ZSCAN31: variants seen among roughly 807,000 people sequenced by gnomAD.
ZSCAN31 encodes the protein zinc finger and SCAN domain containing 31.
ZSCAN31 carries 14 observed loss-of-function variants against 22.5 expected under a neutral mutation model. The ratio of observed to expected loss-of-function variants is 0.62; its 90% confidence interval spans 0.41 to 0.97. The LOEUF is 0.97. Among genes scored for constraint, ZSCAN31 ranks in the 50% least tolerant of loss-of-function variants. The pLI is 0.00. For missense variants in ZSCAN31, 424 were observed against 483.4 expected (o/e 0.88, Z 1.15); for synonymous variants, 168 against 169.8 (o/e 0.99, Z 0.08).
At chr6:28,344,388 G>C (rs1764549505) in intron 2 of ZSCAN31, among the ~76,000 whole-genome samples, 1 of 152,190 alleles carries the variant, frequency 6.6e-6, no homozygotes, top group African/African-American at 2.4e-5. Context: ...ATCATAAGAT[G>C]TGTGTGGTAT....
At chr6:28,337,391 G>A (rs1337392498), upstream of ZSCAN31, among the ~76,000 whole-genome samples, 5 of 152,236 alleles carry the variant, frequency 3.3e-5, 1 homozygote, top group Admixed American at 2.0e-4. Context: ...TGGCAGCCAT[G>A]TGGGGATGGA....
intron 1 of ZSCAN31, chr6:28,335,400 C>G (rs1764068479): frequency 1.3e-5 from 2 of 152,240 alleles, no homozygotes; most frequent in Admixed American, 1.3e-4. Context: ...CACATAATGC[C>G]TTTGTCCTTT....
chr6:28,355,893 A>G (rs557618845), upstream of ZSCAN31, among the ~76,000 whole-genome samples: 27 of 152,330 alleles, frequency 1.8e-4, no homozygotes, highest in South Asian at 5.6e-3. Context: ...CAAGTGGCCT[A>G]TCAAATCCAT....
At chr6:28,356,161 T>C (rs213237), upstream of ZSCAN31, 72,272 of 152,172 alleles carry the variant, frequency 0.47, 18,700 homozygotes, top group African/African-American at 0.68. Context: ...CCCCCAAGCC[T>C]GGCACCTGGG....
rs1005590661 is a variant in ZSCAN31 at position 28,351,528 on chromosome 6, A to G, written c.-371+2334T>C. On this transcript the variant is annotated intron_variant, in intron 2 of 7. Transcript: ENST00000396838. The surrounding 1 kb of genome is among the most constrained non-coding windows in gnomAD (Gnocchi z 4.6). ...ATTTAATTGTAGAGAGAATGTTACA[A>G]TGAACACCAATATAACCATGACTCA... is the stretch of plus-strand genomic sequence containing the variant. Among the ~76,000 whole-genome samples, 1 of 152,202 alleles carries G rather than the reference A, an allele frequency of 6.6e-6. No homozygotes were observed. The highest frequency in any genetic ancestry group is 1.5e-5 in the Non-Finnish European group (1 of 68,034).
At position 28,351,681 on chromosome 6, in the gene ZSCAN31, CCTCT is replaced by C. The variant is rs1195768578; in HGVS notation, c.-371+2177_-371+2180del. Among the ~76,000 whole-genome samples, 1 of 151,392 alleles carries C rather than the reference CCTCT, an allele frequency of 6.6e-6. No individual in the cohort carries two copies. The highest frequency in any genetic ancestry group is 1.5e-5 in the Non-Finnish European group (1 of 67,864). On this transcript the variant is annotated intron_variant, in intron 2 of 7. Transcript: ENST00000396838. The surrounding 1 kb of genome is among the most constrained non-coding windows in gnomAD (Gnocchi z 4.6). ...TTCCCTTTTACTTCCTCCCTCTTTC[CCTCT>C]CTCCTTTCTTTCCCTCTCCCTCCTT... is the stretch of plus-strand genomic sequence containing the variant.
intron 2 of ZSCAN31, among the ~76,000 whole-genome samples, chr6:28,342,782 C>T (rs1273598288): frequency 6.6e-6 from 1 of 152,202 alleles, no homozygotes; most frequent in East Asian, 1.9e-4. Context: ...CATAATAAAA[C>T]ATCTCAAGTC....
At position 28,324,849 on chromosome 6, in the gene ZSCAN31, G is replaced by A. The variant is rs571770609; in HGVS notation, c.*1317C>T. 6 of 152,268 alleles carry A rather than the reference G, an allele frequency of 3.9e-5. No individual in the cohort carries two copies. The highest frequency in any genetic ancestry group is 3.3e-4 in the Admixed American group (5 of 15,296). The allele number at this position is 152,268 out of a possible 1,614,324, so 9.4% of individuals were successfully genotyped here. Reference sequence around the variant, plus strand: ...ACAAGAATGTCAGCAGAGGCATTTCGTATCCTAATTTTAACATGATACTTA... The same window carrying A: ...ACAAGAATGTCAGCAGAGGCATTTCATATCCTAATTTTAACATGATACTTA... On this transcript the variant is annotated 3_prime_UTR_variant, in exon 4 of 4. Transcript: ENST00000344279. This position sits in a 1 kb window ranked among gnomAD's most constrained non-coding sequence, Gnocchi z 4.8.
At chr6:28,350,828 T>C (rs906708459) in intron 2 of ZSCAN31, among the ~76,000 whole-genome samples, 1 of 152,080 alleles carries the variant, frequency 6.6e-6, no homozygotes, top group Non-Finnish European at 1.5e-5. Flanking sequence ...CCAAAACTGG[T>C]TTGTGTTGGA....
In ZSCAN31 at chr6:28,329,621, C is replaced by A. The variant is rs1161290412; in HGVS notation, c.63G>T (p.Trp21Cys). ...KIVKVEEDPI[W>C]DQETHLRGNN... ...TCCCTCGAAGGTGGGTTTCTTGGTC[C>A]CAGATAGGGTCTTCCTCCACTTTCA... The change falls in exon 2 of 4, where the codon TGG becomes TGT. Residue 21 changes from tryptophan to cysteine, a missense_variant. Coordinates refer to ENST00000344279, the MANE Select transcript of ZSCAN31 (RefSeq NM_030899.5). 2 of 1,614,132 alleles carry A rather than the reference C, an allele frequency of 1.2e-6. No homozygotes were observed. Among genetic ancestry groups the A allele is most frequent in the Non-Finnish European group, 1.7e-6 (2 of 1,180,042 alleles).
Position 28,326,657 on chromosome 6 carries a change from A to G in ZSCAN31, c.730T>C (p.Cys244Arg). The G allele has an allele frequency of 6.2e-7, 1 of 1,614,186 alleles. No homozygotes were observed. Among genetic ancestry groups the G allele is most frequent in the South Asian group, 1.1e-5 (1 of 91,086 alleles). The change falls in exon 4 of 4, where the codon TGT becomes CGT. Residue 244 changes from cysteine to arginine, a missense_variant. By Grantham distance (180) the Cys-to-Arg change is radical. Transcript: ENST00000344279. ...GAACTCTTAGTGAAGCTTTTCCCAC[A>G]TTCATTGCACCTGTGGCGTCTCTCT... The part of the protein sequence containing the change: ...TGERRHRCNE[C>R]GKSFTKSSVL...
Position 28,349,790 on chromosome 6 carries a change from C to G in ZSCAN31, c.-371+4072G>C, listed in dbSNP as rs1160771386. 1.3e-5 allele frequency: 2 copies of G among 152,214 alleles called. No homozygotes were observed. Among genetic ancestry groups the G allele is most frequent in the Non-Finnish European group, 2.9e-5 (2 of 68,048 alleles). 9.4% of individuals were successfully genotyped at this position (152,214 alleles called of 1,614,324 possible). On this transcript the variant is annotated intron_variant, in intron 2 of 7. Coordinates refer to the ZSCAN31 transcript ENST00000396838. The surrounding 1 kb of genome is among the most constrained non-coding windows in gnomAD (Gnocchi z 4.1). ...AAATAATTCTGCACCTTGCCTTTCT[C>G]CCTTAGTTATAGCTGGAAAAATAAA...
At chr6:28,337,450 A>G (rs943020200), upstream of ZSCAN31, among the ~76,000 whole-genome samples, 2 of 152,224 alleles carry the variant, frequency 1.3e-5, no homozygotes, top group Non-Finnish European at 2.9e-5. Flanking sequence ...GGAGACTACT[A>G]CAAGAATCCA....
upstream of ZSCAN31, chr6:28,355,274 A>T (rs890305250): frequency 3.3e-5 from 5 of 152,156 alleles, no homozygotes; most frequent in African/African-American, 1.2e-4. Flanking sequence ...ACAAAAGTGG[A>T]TGTCTGTGCC....
chr6:28,337,637 A>G (rs1189368194), upstream of ZSCAN31: 3 of 152,248 alleles, frequency 2.0e-5, no homozygotes, highest in Admixed American at 1.3e-4. Flanking sequence ...TGAAGGACAC[A>G]AGGTCCTCAT....
At chr6:28,353,790 C>G (rs1278471944) in intron 2 of ZSCAN31, 12 of 455,852 alleles carry the variant, frequency 2.6e-5, no homozygotes, top group Non-Finnish European at 4.0e-5. Flanking sequence ...ACAGAACCAC[C>G]AGGCCTACTC....
At position 28,331,918 on chromosome 6, in the gene ZSCAN31, T is replaced by C. The variant is rs887087740; in HGVS notation, c.-95-2140A>G. ...ATCAATTGTATTCTTCTCCCCATAATTGGTGCTTAGGATTTACCTCCTGGT... is the reference window on the plus strand; with the variant it reads ...ATCAATTGTATTCTTCTCCCCATAACTGGTGCTTAGGATTTACCTCCTGGT... On this transcript the variant is annotated intron_variant, in intron 1 of 3. Transcript: ENST00000344279. The surrounding 1 kb of genome is among the most constrained non-coding windows in gnomAD (Gnocchi z 4.8). Among the ~76,000 whole-genome samples the C allele has an allele frequency of 6.6e-6, 1 of 152,216 alleles. No individual in the cohort carries two copies. Among genetic ancestry groups the C allele is most frequent in the Non-Finnish European group, 1.5e-5 (1 of 68,038 alleles).
chr6:28,355,457 T>G (rs1170552055), upstream of ZSCAN31: 1 of 152,208 alleles, frequency 6.6e-6, no homozygotes, highest in Admixed American at 6.5e-5. Flanking sequence ...CCTTCCAAAG[T>G]TGGGACCAAA....
chr6:28,351,801 A>C lies in ZSCAN31; in HGVS notation c.-371+2061T>G, dbSNP rs888295727. Among the ~76,000 whole-genome samples, 7 of 151,408 alleles carry C rather than the reference A, an allele frequency of 4.6e-5. No individual in the cohort carries two copies. Among genetic ancestry groups the C allele is most frequent in the African/African-American group, 1.7e-4 (7 of 41,104 alleles). ...CTCTCTTCTCTTTCATTTTATAGCA[A>C]ATTGCAGATGGAAACATTTTAGTTC... On this transcript the variant is annotated intron_variant, in intron 2 of 7. Coordinates refer to the ZSCAN31 transcript ENST00000396838. The surrounding 1 kb of genome is among the most constrained non-coding windows in gnomAD (Gnocchi z 4.6).
Sources: gnomAD v4.1 joint callset for allele counts (sites outside exome capture counted in the v4.1 genomes callset) on GRCh38, gnomAD v4.1.1 for gene constraint, Gnocchi (gnomAD v3.1) non-coding constraint, MANE v1.5 for transcripts, NCBI Gene and HGNC (gene_info 2026-07-23, HGNC 2026-07-21) for gene names.